Variants in RFC4 observed in about 807,000 individuals in gnomAD.
RFC4 encodes the protein A1 37 kDa subunit.
Under a neutral mutation model 47.6 loss-of-function variants are expected in RFC4, and 38 were observed. The ratio of observed to expected loss-of-function variants is 0.80; its 90% CI spans 0.62 to 1.05. The LOEUF (loss-of-function observed/expected upper bound fraction) is 1.05. Among genes scored for constraint, RFC4 ranks in the 50% least tolerant of loss-of-function variants. The pLI is 0.00. For synonymous variants in RFC4, 164 were observed against 150.0 expected (o/e 1.09, Z -0.68); for missense variants, 489 against 434.0 (o/e 1.13, Z -1.13).
intron 2 of RFC4, 109 bp downstream of exon 2, chr3:186,804,474 C>T: frequency 1.8e-6 from 2 of 1,140,204 alleles, no homozygotes; most frequent in Non-Finnish European, 2.5e-6. Context: ...AAGACAACTT[C>T]TAAACAGAAC....
intron 2 of RFC4, among the ~76,000 whole-genome samples, chr3:186,803,613 C>T (rs80023140): frequency 0.074 from 11,189 of 151,110 alleles, 728 homozygotes; most frequent in East Asian, 0.16. Context: ...AAGTGATTCT[C>T]GTGCCTCAGC....
chr3:186,791,758 C>T lies in RFC4; in HGVS notation c.768G>A (p.Glu256=). The T allele has an allele frequency of 6.2e-7, 1 of 1,612,042 alleles. No homozygotes were observed. Among genetic ancestry groups the T allele is most frequent in the African/African-American group, 1.3e-5 (1 of 75,006 alleles). ...QSATRLTGGK[E]ITEKVITDIA... ...TGTCTGTAATCACTTTCTCTGTGAT[C>T]TCCTTTCCACCTGTTAATCGAGTAG... The change falls in exon 8 of 11, where the codon GAG becomes GAA. Residue 256 remains glutamate, a synonymous_variant. Transcript: ENST00000296273.
chr3:186,804,047 G>A (rs555351221), intron 2 of RFC4, among the ~76,000 whole-genome samples: 1 of 152,006 alleles, frequency 6.6e-6, no homozygotes, highest in Non-Finnish European at 1.5e-5. Context: ...GCCAGGTGTG[G>A]TGGTGGGCAC....
intron 4 of RFC4, among the ~76,000 whole-genome samples, chr3:186,795,045 C>G (rs1051075885): frequency 1.7e-4 from 26 of 152,194 alleles, no homozygotes; most frequent in African/African-American, 5.8e-4. Context: ...TGCTCTGTCA[C>G]TCAGGCTGGA....
At chr3:186,795,311 C>T (rs1011551) in intron 4 of RFC4, among the ~76,000 whole-genome samples, 3,084 of 152,214 alleles carry the variant, frequency 0.02, 40 homozygotes, top group Non-Finnish European at 0.025. Flanking sequence ...AATTTTAAAT[C>T]GATTTTCCAC....
At chr3:186,798,453 A>T (rs1160084626) in intron 3 of RFC4, among the ~76,000 whole-genome samples, 1 of 151,942 alleles carries the variant, frequency 6.6e-6, no homozygotes, top group Non-Finnish European at 1.5e-5. Context: ...CTCTTGCCTA[A>T]CCCTCCCTCT....
chr3:186,797,081 G>A (rs1183157110), intron 4 of RFC4, among the ~76,000 whole-genome samples: 1 of 152,176 alleles, frequency 6.6e-6, no homozygotes, highest in African/African-American at 2.4e-5. Flanking sequence ...AGCTGGACTG[G>A]CCACTCCAGA....
intron 4 of RFC4, among the ~76,000 whole-genome samples, chr3:186,795,619 C>G (rs1722229184): frequency 6.6e-6 from 1 of 152,058 alleles, no homozygotes; most frequent in Admixed American, 6.6e-5. Context: ...GTGGTGAAAC[C>G]CTGTCTCTAC....
intron 3 of RFC4, among the ~76,000 whole-genome samples, chr3:186,798,862 A>C (rs1722296619): frequency 6.6e-6 from 1 of 152,232 alleles, no homozygotes; most frequent in Non-Finnish European, 1.5e-5. Flanking sequence ...TGTCTACTTC[A>C]TTAAAAGACC....
In RFC4 at chr3:186,790,076, A is replaced by AT. The variant is rs761522779; in HGVS notation, c.997-13dup. On this transcript the variant is annotated splice_polypyrimidine_tract_variant and intron_variant, in intron 10 of 10. Coordinates refer to ENST00000296273, the MANE Select transcript of RFC4 (RefSeq NM_002916.5). ...CATTTGTCAACTTCCTACGAGAAAA[A>AT]TTTAAGAAATTAGCATCCTTCAGGT... 24 of 1,611,212 alleles carry AT rather than the reference A, an allele frequency of 1.5e-5. No individual in the cohort carries two copies. The highest frequency in any genetic ancestry group is 1.8e-5 in the Non-Finnish European group (21 of 1,177,656).
intron 9 of RFC4, 32 bp from the exon 10 acceptor site, chr3:186,790,287 TTAA>T: frequency 6.2e-7 from 1 of 1,610,768 alleles, no homozygotes; most frequent in South Asian, 1.1e-5. Flanking sequence ...GTATGATGAC[TTAA>T]TATTCCTTTC....
At position 186,801,170 on chromosome 3, in the gene RFC4, C is replaced by A. The variant is rs751680916; in HGVS notation, c.157G>T (p.Ala53Ser). ...KYRPKCVDEVAFQEEVVAVLK... is the reference protein window; with the variant it reads ...KYRPKCVDEVSFQEEVVAVLK... ...ACTGCAACCACTTCTTCCTGGAAAG[C>A]AACTTCATCCACACATTTTGGGCGA... Residue 53 changes from alanine (A) to serine (S), a missense_variant, in exon 3 of 11, where the codon GCT (alanine) becomes TCT (serine). By Grantham distance (99) the Ala-to-Ser change is moderately conservative. Around this residue, in one of 2 missense-constraint regions of RFC4, gnomAD observed 206 missense variants for 257.8 expected, o/e 0.80. Transcript: ENST00000296273. The A allele has an allele frequency of 1.4e-5, 22 of 1,614,006 alleles. No homozygotes were observed. Among genetic ancestry groups the A allele is most frequent in the Non-Finnish European group, 1.8e-5 (21 of 1,179,998 alleles).
rs1722255349 is a variant in RFC4, at chr3:186,796,977, G to A, written c.290+558C>T. Among the ~76,000 whole-genome samples, 1 of 152,138 alleles carries A rather than the reference G, an allele frequency of 6.6e-6. No individual in the cohort carries two copies. Among genetic ancestry groups the A allele is most frequent in the South Asian group, 2.1e-4 (1 of 4,834 alleles). On this transcript the variant is annotated intron_variant, in intron 4 of 10. Transcript: ENST00000296273. The surrounding 1 kb of genome is among the most constrained non-coding windows in gnomAD (Gnocchi z 4.2). ...GCCAAGATGGTCAATCTAGGAAGAGGAACATAAGAAGGTGACTCACAGGAA... is the reference window on the plus strand; with the variant it reads ...GCCAAGATGGTCAATCTAGGAAGAGAAACATAAGAAGGTGACTCACAGGAA...
chr3:186,804,066 CCTA>C (rs1722421140), intron 2 of RFC4, among the ~76,000 whole-genome samples: 1 of 151,874 alleles, frequency 6.6e-6, no homozygotes, highest in East Asian at 2.0e-4. Context: ...ACCTGTAATC[CCTA>C]CTATTTGGGA....
rs1441935784 is a variant in RFC4 at position 186,793,698 on chromosome 3, G to A, written c.411-751C>T. Among the ~76,000 whole-genome samples the A allele has an allele frequency of 2.6e-5, 4 of 150,978 alleles. No individual in the cohort carries two copies. In the East Asian group the frequency reaches 7.7e-4, roughly 29 times the overall value. ...ATCTTTTAATGTGCTTATTACACAT[G>A]CACGAAATGTCTATGCAGATCCTTT... is the stretch of plus-strand genomic sequence containing the variant. On this transcript the variant is annotated intron_variant, in intron 5 of 10. Transcript: ENST00000296273. This position sits in a 1 kb window ranked among gnomAD's most constrained non-coding sequence, Gnocchi z 4.2.
chr3:186,792,364 G>T, intron 7 of RFC4, 126 bp downstream of exon 7: 1 of 756,576 alleles, frequency 1.3e-6, no homozygotes, highest in Non-Finnish European at 2.1e-6. Flanking sequence ...TGCCCCTTTA[G>T]CTTAAGTTTG....
rs1722251221 is a variant in RFC4 at position 186,796,727 on chromosome 3, G to C, written c.290+808C>G. 6.6e-6 allele frequency among the ~76,000 whole-genome samples: 1 copy of C among 152,156 alleles called. No homozygotes were observed. The highest frequency in any genetic ancestry group is 1.5e-5 in the Non-Finnish European group (1 of 68,018). On this transcript the variant is annotated intron_variant, in intron 4 of 10. Transcript: ENST00000296273. This position sits in a 1 kb window ranked among gnomAD's most constrained non-coding sequence, Gnocchi z 4.2. ...ACTCCTCACCCCAGGTGATCCACCTGCCTCGGCCTCCCAAAGTGCTGGGAT... is the reference window on the plus strand; with the variant it reads ...ACTCCTCACCCCAGGTGATCCACCTCCCTCGGCCTCCCAAAGTGCTGGGAT...
chr3:186,793,595 C>A lies in RFC4; in HGVS notation c.411-648G>T, dbSNP rs1722185158. Reference sequence around the variant, plus strand: ...TTATTTTCTGTATTTTTTATCATAGCCATCCTAGTGGGAGTTACGTGGTAT... The same window carrying A: ...TTATTTTCTGTATTTTTTATCATAGACATCCTAGTGGGAGTTACGTGGTAT... On this transcript the variant is annotated intron_variant, in intron 5 of 10. Coordinates refer to ENST00000296273, the MANE Select transcript of RFC4 (RefSeq NM_002916.5). This position sits in a 1 kb window ranked among gnomAD's most constrained non-coding sequence, Gnocchi z 4.2. 6.6e-6 allele frequency among the ~76,000 whole-genome samples: 1 copy of A among 152,142 alleles called. No homozygotes were observed. The highest frequency in any genetic ancestry group is 1.5e-5 in the Non-Finnish European group (1 of 68,032).
At position 186,793,882 on chromosome 3, in the gene RFC4, C is replaced by T. The variant is rs1027179764; in HGVS notation, c.410+776G>A. ...GGACTACAGGCGCCCGCCACCACAC[C>T]CAGCTAATTTTTTGTATTTTTAGTA... is the stretch of plus-strand genomic sequence containing the variant. On this transcript the variant is annotated intron_variant, in intron 5 of 10. Transcript: ENST00000296273. This position sits in a 1 kb window ranked among gnomAD's most constrained non-coding sequence, Gnocchi z 4.2. Among the ~76,000 whole-genome samples, 9 of 152,062 alleles carry T rather than the reference C, an allele frequency of 5.9e-5. No homozygotes were observed. The highest frequency in any genetic ancestry group is 1.0e-4 in the Non-Finnish European group (7 of 68,022).
Sources: allele counts gnomAD v4.1 joint callset (sites outside exome capture counted in the v4.1 genomes callset), GRCh38; gene constraint gnomAD v4.1.1; regional missense constraint gnomAD v4.1.1; non-coding constraint Gnocchi (gnomAD v3.1); transcripts MANE v1.5; gene names NCBI Gene and HGNC (gene_info 2026-07-23, HGNC 2026-07-21).